The following SGCZ variants were observed in gnomAD, a reference collection of about 807,000 sequenced individuals.
SGCZ encodes zeta-sarcoglycan.
In SGCZ, 40 loss-of-function variants were observed where a neutral mutation model predicts 41.3. The ratio of observed to expected loss-of-function variants is 0.97; its 90% CI spans 0.75 to 1.26. The LOEUF is 1.26. Among genes scored for constraint, SGCZ ranks in the 50% most tolerant of loss-of-function variants. The probability of loss-of-function intolerance (pLI) is 0.00; values close to 1 mark genes in which losing one functional copy is unlikely to be tolerated. For synonymous variants in SGCZ, 206 were observed against 137.5 expected (o/e 1.50, Z -3.49); for missense variants, 552 against 369.8 (o/e 1.49, Z -4.04).
chr8:14,122,777 C>T (rs1802739662), intron 5 of SGCZ, among the ~76,000 whole-genome samples: 1 of 152,110 alleles, frequency 6.6e-6, no homozygotes, highest in Non-Finnish European at 1.5e-5. Flanking sequence ...TCCCTTATCC[C>T]CATTAGAAAC....
chr8:15,166,442 G>T (rs1020325433), intron 1 of SGCZ, among the ~76,000 whole-genome samples: 1 of 151,804 alleles, frequency 6.6e-6, no homozygotes, highest in African/African-American at 2.4e-5. Flanking sequence ...TAGAGATGGG[G>T]TTTCACCGTG....
At chr8:14,552,785 T>G (rs1194631328) in intron 2 of SGCZ, among the ~76,000 whole-genome samples, 2 of 152,058 alleles carry the variant, frequency 1.3e-5, no homozygotes, top group African/African-American at 2.4e-5. Flanking sequence ...TGTAGCCATG[T>G]AATTACGCAT....
chr8:14,423,493 C>T (rs543254191), intron 2 of SGCZ, among the ~76,000 whole-genome samples: 172 of 151,942 alleles, frequency 1.1e-3, no homozygotes, highest in Admixed American at 2.2e-3. Context: ...GTCGACTCAC[C>T]GCAACCTCCG....
intron 1 of SGCZ, among the ~76,000 whole-genome samples, chr8:15,014,716 G>A (rs1802959092): frequency 6.6e-6 from 1 of 152,180 alleles, no homozygotes; most frequent in Non-Finnish European, 1.5e-5. Flanking sequence ...AAAGCTGAAG[G>A]TGTTTCCATG....
intron 2 of SGCZ, among the ~76,000 whole-genome samples, chr8:14,469,021 C>T (rs1801133098): frequency 6.6e-6 from 1 of 151,812 alleles, no homozygotes; most frequent in Non-Finnish European, 1.5e-5. Context: ...CTCTTGCCTC[C>T]TCTTGGCCTG....
At chr8:14,449,136 T>C (rs1349945215) in intron 2 of SGCZ, among the ~76,000 whole-genome samples, 1 of 152,250 alleles carries the variant, frequency 6.6e-6, no homozygotes, top group East Asian at 1.9e-4. Context: ...CGGGGAGGAA[T>C]TGTGCTGTAC....
At chr8:14,907,456 A>G (rs1799154491) in intron 1 of SGCZ, among the ~76,000 whole-genome samples, 1 of 152,084 alleles carries the variant, frequency 6.6e-6, no homozygotes, top group South Asian at 2.1e-4. Context: ...TCAAAGTGCT[A>G]GAATTGCAGG....
intron 1 of SGCZ, among the ~76,000 whole-genome samples, chr8:15,048,079 C>A (rs1459073416): frequency 6.6e-6 from 1 of 151,918 alleles, no homozygotes; most frequent in Non-Finnish European, 1.5e-5. Flanking sequence ...GATATGGAGT[C>A]AATCTACCAT....
intron 1 of SGCZ, among the ~76,000 whole-genome samples, chr8:15,185,503 C>A (rs1279904776): frequency 6.6e-6 from 1 of 152,128 alleles, no homozygotes; most frequent in Non-Finnish European, 1.5e-5. Flanking sequence ...TTTTCTATAT[C>A]TACTCACTTG....
chr8:15,020,741 C>T (rs563066149), intron 1 of SGCZ, among the ~76,000 whole-genome samples: 7 of 152,242 alleles, frequency 4.6e-5, no homozygotes, highest in South Asian at 2.1e-4. Context: ...AAGTTCTTAG[C>T]GAATATGTCT....
chr8:14,823,813 C>A (rs1031330551), intron 1 of SGCZ, among the ~76,000 whole-genome samples: 1 of 151,904 alleles, frequency 6.6e-6, no homozygotes, highest in Non-Finnish European at 1.5e-5. Flanking sequence ...ATAGACAAGA[C>A]GGATAATCAA....
At chr8:14,724,938 C>G (rs1035359497) in intron 1 of SGCZ, among the ~76,000 whole-genome samples, 1 of 152,064 alleles carries the variant, frequency 6.6e-6, no homozygotes, top group African/African-American at 2.4e-5. Context: ...AATACTAGAT[C>G]TTATTCCTTG....
At chr8:14,141,001 C>T (rs1803351731) in intron 5 of SGCZ, among the ~76,000 whole-genome samples, 1 of 152,020 alleles carries the variant, frequency 6.6e-6, no homozygotes. Context: ...AGGACAGAGC[C>T]CTCAGAAATA....
chr8:15,203,185 G>T (rs536475139), intron 1 of SGCZ, among the ~76,000 whole-genome samples: 1 of 151,870 alleles, frequency 6.6e-6, no homozygotes, highest in Non-Finnish European at 1.5e-5. Flanking sequence ...ATTCTGCCTC[G>T]GTATCTTTTC....
chr8:14,483,286 G>C (rs987361154), intron 2 of SGCZ, among the ~76,000 whole-genome samples: 7 of 152,164 alleles, frequency 4.6e-5, no homozygotes, highest in Admixed American at 2.6e-4. Flanking sequence ...AATGGGATTT[G>C]AGGGCTGGTG....
chr8:15,189,567 A>ATTT lies in SGCZ; in HGVS notation c.39+48015_39+48017dup, dbSNP rs34139151. Among the ~76,000 whole-genome samples, 26 of 149,102 alleles carry ATTT rather than the reference A, an allele frequency of 1.7e-4. No homozygotes were observed. The South Asian group carries it at 5.5e-3, about 32-fold the overall frequency. Reference sequence around the variant, plus strand: ...AAATACTTCATGAGGACCTTGAAGCATTTTTTTTTTTGAGATAGAGTCTTG... The same window carrying ATTT: ...AAATACTTCATGAGGACCTTGAAGCATTTTTTTTTTTTTTGAGATAGAGTCTTG... On this transcript the variant is annotated intron_variant, in intron 1 of 7. Coordinates refer to ENST00000382080, the MANE Select transcript of SGCZ (RefSeq NM_139167.4).
At chr8:15,131,608 T>C (rs1293250142) in intron 1 of SGCZ, among the ~76,000 whole-genome samples, 10 of 152,192 alleles carry the variant, frequency 6.6e-5, no homozygotes, top group Non-Finnish European at 1.3e-4. Flanking sequence ...TTTTTTATAT[T>C]TTAGCCAAAG....
In SGCZ at chr8:14,909,857, T is replaced by C. The variant is rs545486431; in HGVS notation, c.39+327728A>G. Among the ~76,000 whole-genome samples, 37 of 152,244 alleles carry C rather than the reference T, an allele frequency of 2.4e-4. 1 individual carries two copies. The highest frequency in any genetic ancestry group is 8.9e-4 in the African/African-American group (37 of 41,562). On this transcript the variant is annotated intron_variant, in intron 1 of 7. Coordinates refer to ENST00000382080, the MANE Select transcript of SGCZ (RefSeq NM_139167.4). ...CAGAAACCAACAACTCTCCATGGTGTTCTTTGACCAGTGTAGCTATATAGT... is the reference window on the plus strand; with the variant it reads ...CAGAAACCAACAACTCTCCATGGTGCTCTTTGACCAGTGTAGCTATATAGT...
intron 1 of SGCZ, among the ~76,000 whole-genome samples, chr8:15,099,898 A>C (rs1044846007): frequency 6.6e-6 from 1 of 152,122 alleles, no homozygotes; most frequent in African/African-American, 2.4e-5. Flanking sequence ...AAAAAAATTC[A>C]ACATACTTTC....
Sources: allele counts gnomAD v4.1 joint callset (sites outside exome capture counted in the v4.1 genomes callset), GRCh38; gene constraint gnomAD v4.1.1; transcripts MANE v1.5; gene names NCBI Gene and HGNC (gene_info 2026-07-23, HGNC 2026-07-21).